The following SLC45A4 variants were observed in gnomAD, a reference collection of about 807,000 sequenced individuals.
The protein encoded by SLC45A4 is polyamine-transporter SLC45A4.
Under a neutral mutation model 63.7 loss-of-function variants are expected in SLC45A4, and 32 were observed. The observed-to-expected ratio is 0.50, with a 90% confidence interval of 0.38 to 0.67. The LOEUF is 0.67. Among genes scored for constraint, SLC45A4 ranks in the 30% least tolerant of loss-of-function variants. SLC45A4 has a pLI of 0.00. For synonymous variants in SLC45A4, 535 were observed against 510.0 expected (o/e 1.05, Z -0.66); for missense variants, 1,027 against 1,157.7 (o/e 0.89, Z 1.64).
In SLC45A4 at chr8:141,219,721, C is replaced by T. The variant is rs138416471; in HGVS notation, c.539G>A (p.Arg180His). 9.9e-6 allele frequency: 16 copies of T among 1,610,464 alleles called. No individual in the cohort carries two copies. Among genetic ancestry groups the T allele is most frequent in the Non-Finnish European group, 1.3e-5 (15 of 1,178,664 alleles). Reference protein sequence around the residue: ...FSADATEGPIRAYLLDVVDSE... With the variant: ...FSADATEGPIHAYLLDVVDSE... ...GTCCACCACGTCCAGCAGATAGGCA[C>T]GGATGGGCCCCTCGGTGGCATCGGC... The change falls in exon 4 of 9, where the codon CGT becomes CAT. Residue 180 changes from arginine to histidine, a missense_variant. Coordinates refer to ENST00000517878, the MANE Select transcript of SLC45A4 (RefSeq NM_001286646.2).
At chr8:141,260,477 C>A (rs1415859095) in intron 1 of SLC45A4, among the ~76,000 whole-genome samples, 1 of 152,206 alleles carries the variant, frequency 6.6e-6, no homozygotes, top group Non-Finnish European at 1.5e-5. Context: ...ATCTTGAAGA[C>A]AACACCCAAC....
intron 1 of SLC45A4, among the ~76,000 whole-genome samples, chr8:141,259,239 C>T (rs754438450): frequency 2.0e-5 from 3 of 152,230 alleles, no homozygotes; most frequent in Non-Finnish European, 2.9e-5. Flanking sequence ...CAGGGCAAGC[C>T]GCCAGACACC....
chr8:141,228,201 T>C (rs774200526), intron 2 of SLC45A4: 2 of 1,614,124 alleles, frequency 1.2e-6, no homozygotes, highest in Non-Finnish European at 1.7e-6. Flanking sequence ...TCCATTGATT[T>C]GACCTCAGTG....
chr8:141,295,956 C>G (rs557061077), intron 1 of SLC45A4, among the ~76,000 whole-genome samples: 1 of 152,166 alleles, frequency 6.6e-6, no homozygotes, highest in Non-Finnish European at 1.5e-5. Flanking sequence ...GGGGTCAGCC[C>G]GACAAGACCA....
intron 1 of SLC45A4, among the ~76,000 whole-genome samples, chr8:141,285,992 G>T (rs1025706269): frequency 1.3e-5 from 2 of 152,194 alleles, no homozygotes; most frequent in Non-Finnish European, 2.9e-5. Flanking sequence ...TGCCTGGGGT[G>T]GGGGCAGACG....
chr8:141,293,945 A>ACATTT (rs935424153), intron 1 of SLC45A4, among the ~76,000 whole-genome samples: 3 of 139,426 alleles, frequency 2.2e-5, no homozygotes, highest in South Asian at 2.4e-4. Flanking sequence ...GAAAAAAAAA[A>ACATTT]AGTAAATGTA....
chr8:141,236,133 T>C (rs1285779401), intron 2 of SLC45A4, among the ~76,000 whole-genome samples: 2 of 151,848 alleles, frequency 1.3e-5, no homozygotes, highest in Non-Finnish European at 2.9e-5. Flanking sequence ...AACATGAGAG[T>C]GAGTGCCTGG....
chr8:141,244,968 G>GGGGGGGGGGGGGGGAGGGC lies in SLC45A4; in HGVS notation c.241+9020_241+9021insGCCCTCCCCCCCCCCCCCC, dbSNP rs1569558620. ...CAAGAAGACGTGGGTGGGGGGGGGG[G>GGGGGGGGGGGGGGGAGGGC]GCGGTGTGGAGGTGGAGGCTGGGCT... On this transcript the variant is annotated intron_variant, in intron 2 of 8. Transcript: ENST00000517878. Among the ~76,000 whole-genome samples the GGGGGGGGGGGGGGGAGGGC allele has an allele frequency of 2.8e-5, 2 of 71,836 alleles. 1 individual carries two copies. The highest frequency in any genetic ancestry group is 7.2e-5 in the Non-Finnish European group (2 of 27,902). The allele number at this position is 71,836 out of a possible 152,430, so 47.1% of individuals were successfully genotyped here. A position where few individuals can be genotyped will look rare whatever the true frequency, so the allele number is the denominator to read the frequency against.
At chr8:141,294,496 G>A (rs1420050466) in intron 1 of SLC45A4, among the ~76,000 whole-genome samples, 2 of 152,204 alleles carry the variant, frequency 1.3e-5, no homozygotes, top group Non-Finnish European at 2.9e-5. Context: ...GAGGCTTGCT[G>A]GGACACACGG....
intron 2 of SLC45A4, among the ~76,000 whole-genome samples, chr8:141,237,182 T>G (rs1236414366): frequency 6.6e-6 from 1 of 152,232 alleles, no homozygotes; most frequent in Non-Finnish European, 1.5e-5. Flanking sequence ...ACTTTACCAG[T>G]GCTCATATGC....
chr8:141,245,575 A>C (rs527956921), intron 2 of SLC45A4, among the ~76,000 whole-genome samples: 1 of 152,166 alleles, frequency 6.6e-6, no homozygotes, highest in Non-Finnish European at 1.5e-5. Context: ...GGAGACCCCA[A>C]AATCTGGTCT....
Position 141,254,799 on chromosome 8 carries a change from C to G in SLC45A4, c.-400-170G>C. ...ACGTCTGTGCAAATAACCAAACCTA[C>G]TTTCTAGAAAAACATTTTCTCATAC... is the stretch of plus-strand genomic sequence containing the variant. On this transcript the variant is annotated intron_variant, in intron 1 of 8. Transcript: ENST00000517878. This position sits in a 1 kb window ranked among gnomAD's most constrained non-coding sequence, Gnocchi z 4.5. The G allele has an allele frequency of 1.7e-6, 1 of 593,148 alleles. No homozygotes were observed. The highest frequency in any genetic ancestry group is 3.2e-6 in the Non-Finnish European group (1 of 316,962). 36.7% of individuals were successfully genotyped at this position (593,148 alleles called of 1,614,324 possible). A position where few individuals can be genotyped will look rare whatever the true frequency, so the allele number is the denominator to read the frequency against.
chr8:141,294,967 C>G (rs28376333), intron 1 of SLC45A4, among the ~76,000 whole-genome samples: 14,696 of 152,312 alleles, frequency 0.096, 838 homozygotes, highest in Middle Eastern at 0.16. Flanking sequence ...ATGGAGCATT[C>G]ACACCCGGCA....
At chr8:141,276,061 T>C (rs931091176) in intron 1 of SLC45A4, among the ~76,000 whole-genome samples, 2 of 151,964 alleles carry the variant, frequency 1.3e-5, no homozygotes, top group East Asian at 3.9e-4. Flanking sequence ...TACAGGTATA[T>C]GGCACCATAC....
At chr8:141,242,089 G>A (rs1221539384) in intron 2 of SLC45A4, among the ~76,000 whole-genome samples, 1 of 152,216 alleles carries the variant, frequency 6.6e-6, no homozygotes, top group East Asian at 1.9e-4. Flanking sequence ...TGAAAAGAGA[G>A]GCGCATCCCG....
chr8:141,295,667 C>T (rs7014099), intron 1 of SLC45A4, among the ~76,000 whole-genome samples: 44,966 of 152,158 alleles, frequency 0.3, 7,179 homozygotes, highest in Admixed American at 0.39. Flanking sequence ...AACTGCCCCA[C>T]GGCAGCACTG....
chr8:141,218,831 C>T lies in SLC45A4; in HGVS notation c.809G>A (p.Gly270Asp), dbSNP rs755250211. Reference protein sequence around the residue: ...PQQERSAEEPGALDGGEPHGV... With the variant: ...PQQERSAEEPDALDGGEPHGV... ...GTGCGGCTCGCCCCCATCCAGGGCG[C>T]CGGGCTCCTCAGCGCTGCGCTCCTG... The change falls in exon 5 of 9, where the codon GGC becomes GAC. Residue 270 changes from glycine to aspartate, a missense_variant. Transcript: ENST00000517878. The T allele has an allele frequency of 3.9e-5, 63 of 1,612,952 alleles. No individual in the cohort carries two copies. The highest frequency in any genetic ancestry group is 1.6e-4 in the Middle Eastern group (1 of 6,084).
At position 141,300,635 on chromosome 8, in the gene SLC45A4, C is replaced by T. The variant is rs746533178; in HGVS notation, c.-401+7461G>A. Among the ~76,000 whole-genome samples, 9 of 152,294 alleles carry T rather than the reference C, an allele frequency of 5.9e-5. No homozygotes were observed. In the East Asian group the frequency reaches 7.7e-4, roughly 13 times the overall value. On this transcript the variant is annotated intron_variant, in intron 1 of 8. Transcript: ENST00000517878. Reference sequence around the variant, plus strand: ...GCGATGCCCTGTGCAGGAAGAAGGGCGGAGCAGGGTGACCAGATTCCTGCC... The same window carrying T: ...GCGATGCCCTGTGCAGGAAGAAGGGTGGAGCAGGGTGACCAGATTCCTGCC...
In SLC45A4 at chr8:141,211,461, C is replaced by T. The variant is rs1239302183; in HGVS notation, c.*111G>A. 3.1e-6 allele frequency: 5 copies of T among 1,592,342 alleles called. No individual in the cohort carries two copies. The highest frequency in any genetic ancestry group is 4.3e-6 in the Non-Finnish European group (5 of 1,169,130). Reference sequence around the variant, plus strand: ...TGCAAATCACTGTCTTCTGCCCAGGCCCCCCGGACCAGCCTCCTCCCAGCT... The same window carrying T: ...TGCAAATCACTGTCTTCTGCCCAGGTCCCCCGGACCAGCCTCCTCCCAGCT... On this transcript the variant is annotated 3_prime_UTR_variant, in exon 9 of 9. Coordinates refer to ENST00000517878, the MANE Select transcript of SLC45A4 (RefSeq NM_001286646.2).
Sources: gnomAD v4.1 joint callset for allele counts (sites outside exome capture counted in the v4.1 genomes callset) on GRCh38, gnomAD v4.1.1 for gene constraint, Gnocchi (gnomAD v3.1) non-coding constraint, MANE v1.5 for transcripts, NCBI Gene and HGNC (gene_info 2026-07-23, HGNC 2026-07-21) for gene names.